Variants in DIS3L2 observed in about 807,000 individuals in gnomAD.
DIS3L2 encodes the protein DIS3 like 3'-5' exoribonuclease 2.
A neutral mutation model predicts 97.5 loss-of-function variants in DIS3L2; 34 were observed. That is an observed-to-expected ratio of 0.35 (90% CI 0.27 to 0.46). The LOEUF (loss-of-function observed/expected upper bound fraction) is 0.46, where lower values mean the gene tolerates loss of function less well. Among genes scored for constraint, DIS3L2 ranks in the 20% least tolerant of loss-of-function variants. The probability of loss-of-function intolerance (pLI) is 1.00; values close to 1 mark genes in which losing one functional copy is unlikely to be tolerated. For synonymous variants in DIS3L2, 435 were observed against 445.2 expected (o/e 0.98, Z 0.29); for missense variants, 1,038 against 1,146.0 (o/e 0.91, Z 1.36).
chr2:232,066,120 G>A (rs1695849744), intron 5 of DIS3L2, among the ~76,000 whole-genome samples: 1 of 151,768 alleles, frequency 6.6e-6, no homozygotes, highest in Non-Finnish European at 1.5e-5. Flanking sequence ...TATGTTTTCT[G>A]TTCTAATCTA....
intron 8 of DIS3L2, among the ~76,000 whole-genome samples, chr2:232,154,714 G>C (rs1429977187): frequency 6.7e-6 from 1 of 148,920 alleles, no homozygotes; most frequent in African/African-American, 2.5e-5. Flanking sequence ...GCCTCCTTGA[G>C]CTGTGGTGGG....
chr2:232,233,024 ATCACCAGGCT>A lies in DIS3L2; in HGVS notation c.1205-5505_1205-5496del, dbSNP rs919674841. On this transcript the variant is annotated intron_variant, in intron 10 of 20. Coordinates refer to ENST00000325385, the MANE Select transcript of DIS3L2 (RefSeq NM_152383.5). Reference sequence around the variant, plus strand: ...GGTGTTGGGGTGGGGAGGGCACAGAATCACCAGGCTTCAGATGCTGCTATAAGGTCAGGCC... The same window carrying A: ...GGTGTTGGGGTGGGGAGGGCACAGAATCAGATGCTGCTATAAGGTCAGGCC... Among the ~76,000 whole-genome samples the A allele has an allele frequency of 5.3e-5, 8 of 152,292 alleles. No homozygotes were observed. In the East Asian group the frequency reaches 1.4e-3, roughly 26 times the overall value.
Position 232,207,534 on chromosome 2 carries a change from A to G in DIS3L2, c.1125-2792A>G, listed in dbSNP as rs1307174110. 2.0e-5 allele frequency among the ~76,000 whole-genome samples: 3 copies of G among 152,130 alleles called. No homozygotes were observed. In the East Asian group the frequency reaches 5.8e-4, roughly 29 times the overall value. ...ACCTCTTTTATATAGTGGAACCAAAATTACTTCTGTATATCTTGAGGCTTC... is the reference window on the plus strand; with the variant it reads ...ACCTCTTTTATATAGTGGAACCAAAGTTACTTCTGTATATCTTGAGGCTTC... On this transcript the variant is annotated intron_variant, in intron 9 of 20. Coordinates refer to ENST00000325385, the MANE Select transcript of DIS3L2 (RefSeq NM_152383.5).
At chr2:232,048,459 G>A (rs1416041316) in intron 5 of DIS3L2, among the ~76,000 whole-genome samples, 4 of 152,296 alleles carry the variant, frequency 2.6e-5, no homozygotes, top group East Asian at 1.9e-4. Context: ...TAGGCCGGGC[G>A]CGGTGGCTCA....
intron 14 of DIS3L2, among the ~76,000 whole-genome samples, chr2:232,310,986 C>T (rs1449995999): frequency 6.6e-6 from 1 of 152,240 alleles, no homozygotes; most frequent in Non-Finnish European, 1.5e-5. Context: ...TCCCCACTTG[C>T]TGGGAGAACC....
chr2:232,187,720 C>T (rs1364726570), intron 9 of DIS3L2, among the ~76,000 whole-genome samples: 4 of 151,998 alleles, frequency 2.6e-5, no homozygotes, highest in Non-Finnish European at 5.9e-5. Flanking sequence ...GGATTACAGG[C>T]GTGAGCCACT....
At chr2:232,237,501 A>G (rs1692964143) in intron 10 of DIS3L2, among the ~76,000 whole-genome samples, 1 of 152,206 alleles carries the variant, frequency 6.6e-6, no homozygotes, top group Admixed American at 6.5e-5. Flanking sequence ...GTAACAGTGA[A>G]CATTACACAA....
chr2:232,187,590 G>A (rs201766646), intron 9 of DIS3L2, among the ~76,000 whole-genome samples: 9 of 151,942 alleles, frequency 5.9e-5, no homozygotes, highest in Non-Finnish European at 8.8e-5. Context: ...CTACAGGTGC[G>A]CGCCACCATG....
At chr2:232,100,493 C>T (rs1392412698) in intron 6 of DIS3L2, among the ~76,000 whole-genome samples, 4 of 151,802 alleles carry the variant, frequency 2.6e-5, no homozygotes, top group Non-Finnish European at 4.4e-5. Flanking sequence ...TTCTTGTTTT[C>T]TTTGAACTGT....
chr2:232,082,691 A>G (rs1696440723), intron 5 of DIS3L2, among the ~76,000 whole-genome samples: 1 of 152,198 alleles, frequency 6.6e-6, no homozygotes, highest in Non-Finnish European at 1.5e-5. Flanking sequence ...AAGTGAATTT[A>G]GTCCCTACAA....
chr2:231,979,170 A>G (rs947706479), intron 1 of DIS3L2, among the ~76,000 whole-genome samples: 6 of 152,064 alleles, frequency 3.9e-5, no homozygotes, highest in Admixed American at 6.6e-5. Context: ...TATTTTTCCT[A>G]TGTTCTTACT....
intron 8 of DIS3L2, among the ~76,000 whole-genome samples, chr2:232,145,197 G>A (rs1245965381): frequency 2.6e-5 from 4 of 152,134 alleles, no homozygotes; most frequent in African/African-American, 4.8e-5. Context: ...ATTCCAGAAA[G>A]TAATCTTTTT....
At chr2:232,334,949 A>G (rs924626837) in intron 19 of DIS3L2, 2 of 553,922 alleles carry the variant, frequency 3.6e-6, no homozygotes, top group Admixed American at 3.1e-5. Flanking sequence ...CCAAGGACCC[A>G]GGAACCAGAG....
chr2:232,239,389 T>G (rs1326451057), intron 11 of DIS3L2, among the ~76,000 whole-genome samples: 1 of 152,220 alleles, frequency 6.6e-6, no homozygotes, highest in East Asian at 1.9e-4. Context: ...AGAAAGGGGT[T>G]AATAAGAGAC....
intron 6 of DIS3L2, among the ~76,000 whole-genome samples, chr2:232,112,608 T>C (rs1415804845): frequency 6.6e-6 from 1 of 152,110 alleles, no homozygotes; most frequent in Non-Finnish European, 1.5e-5. Flanking sequence ...AACCAACACA[T>C]TGACTGGCCA....
intron 9 of DIS3L2, among the ~76,000 whole-genome samples, chr2:232,175,072 GCCCGCCC>G (rs1691114236): frequency 6.6e-6 from 1 of 151,988 alleles, no homozygotes; most frequent in African/African-American, 2.4e-5. Context: ...CAAGTGATCT[GCCCGCCC>G]CGGCCTCCCA....
At chr2:232,067,980 T>C (rs147712824) in intron 5 of DIS3L2, among the ~76,000 whole-genome samples, 2 of 152,122 alleles carry the variant, frequency 1.3e-5, no homozygotes, top group African/African-American at 4.8e-5. Context: ...AGATTTACCA[T>C]AGAGAGGGAG....
rs117879054 is a variant in DIS3L2, at chr2:232,060,087, G to A, written c.367-27400G>A. ...GTTGTTAATCCCTTGTCAGCCATCT[G>A]TAAAGGGATATCTGCGAAATAGTTT... On this transcript the variant is annotated intron_variant, in intron 5 of 20. Transcript: ENST00000325385. Among the ~76,000 whole-genome samples the A allele has an allele frequency of 2.2e-4, 33 of 152,234 alleles. No homozygotes were observed. In the East Asian group the frequency reaches 6.4e-3, roughly 29 times the overall value.
At chr2:232,147,935 T>A (rs1246962243) in intron 8 of DIS3L2, among the ~76,000 whole-genome samples, 1 of 149,406 alleles carries the variant, frequency 6.7e-6, no homozygotes, top group Non-Finnish European at 1.5e-5. Flanking sequence ...TCTCTTCTCT[T>A]CCCTTCCCTT....
Sources: allele counts gnomAD v4.1 joint callset (sites outside exome capture counted in the v4.1 genomes callset), GRCh38; gene constraint gnomAD v4.1.1; transcripts MANE v1.5; gene names NCBI Gene and HGNC (gene_info 2026-07-23, HGNC 2026-07-21).